PRPF8: variants seen among roughly 807,000 people sequenced by gnomAD.
PRPF8 encodes pre-mRNA processing factor 8, also known as pre-mRNA-processing-splicing factor 8.
In PRPF8, 64 loss-of-function variants were observed where a neutral mutation model predicts 285.9. The observed-to-expected ratio is 0.22, with a 90% CI of 0.18 to 0.28. The LOEUF (loss-of-function observed/expected upper bound fraction) is 0.28, where lower values mean the gene tolerates loss of function less well. Among genes scored for constraint, PRPF8 ranks in the 10% least tolerant of loss-of-function variants. The pLI is 1.00. For synonymous variants in PRPF8, 1,325 were observed against 1,118.2 expected (o/e 1.18, Z -3.69); for missense variants, 1,426 against 3,026.7 (o/e 0.47, Z 12.41).
At chr17:1,652,744 T>C (rs937154794) in intron 39 of PRPF8, 2 of 144,376 alleles carry the variant, frequency 1.4e-5, no homozygotes, top group Admixed American at 1.4e-4. Flanking sequence ...GAGACTCCAT[T>C]TCGTCATGTT....
chr17:1,677,456 G>A (rs1912664021), intron 14 of PRPF8, 109 bp downstream of exon 14: 1 of 1,523,454 alleles, frequency 6.6e-7, no homozygotes, highest in Non-Finnish European at 9.1e-7. Flanking sequence ...GGACCTAAAG[G>A]CAATCCAGTA....
chr17:1,674,473 T>C lies in PRPF8; in HGVS notation c.3268A>G (p.Arg1090Gly). ...AAAATATGGATGCGATCAATGTATC[T>C]GCAGAAGAGACGGATGGGGTGGGCA... Reference protein sequence around the residue: ...EAAHPIRLFCRYIDRIHIFFR... With the variant: ...EAAHPIRLFCGYIDRIHIFFR... The change falls in exon 21 of 43, where the codon AGA becomes GGA. Residue 1090 changes from arginine to glycine, a missense_variant. Arg to Gly is a moderately radical substitution (Grantham distance 125, BLOSUM62 -2). This residue lies in a region of PRPF8 where 148 missense variants were observed against 196.2 expected (regional missense o/e 0.75). Transcript: ENST00000304992. 6.2e-7 allele frequency: 1 copy of C among 1,614,164 alleles called. No homozygotes were observed. Among genetic ancestry groups the C allele is most frequent in the Non-Finnish European group, 8.5e-7 (1 of 1,180,020 alleles).
In PRPF8 at chr17:1,653,303, A is replaced by G; in HGVS notation, c.6369+239T>C. The G allele has an allele frequency of 8.0e-6, 5 of 626,238 alleles. No individual in the cohort carries two copies. Among genetic ancestry groups the G allele is most frequent in the Non-Finnish European group, 1.1e-5 (4 of 350,762 alleles). The allele number at this position is 626,238 out of a possible 1,614,324, so 38.8% of individuals were successfully genotyped here. On this transcript the variant is annotated intron_variant, in intron 39 of 42. Coordinates refer to ENST00000304992, the MANE Select transcript of PRPF8 (RefSeq NM_006445.4). The surrounding 1 kb of genome is among the most constrained non-coding windows in gnomAD (Gnocchi z 4.9). Reference sequence around the variant, plus strand: ...TGGTCAGGAATTTGTTTCTGACCATATCTGTTCTCTTCCAAATACTATCAG... The same window carrying G: ...TGGTCAGGAATTTGTTTCTGACCATGTCTGTTCTCTTCCAAATACTATCAG...
In PRPF8 at chr17:1,661,763, G is replaced by T. The variant is rs1178834986; in HGVS notation, c.4050C>A (p.Ile1350=). 1 of 1,614,080 alleles carries T rather than the reference G, an allele frequency of 6.2e-7. No individual in the cohort carries two copies. Among genetic ancestry groups the T allele is most frequent in the African/African-American group, 1.3e-5 (1 of 74,928 alleles). The change falls in exon 26 of 43, where the codon ATC becomes ATA. Residue 1350 remains isoleucine (I), a synonymous_variant. Coordinates refer to ENST00000304992, the MANE Select transcript of PRPF8 (RefSeq NM_006445.4). This position sits in a 1 kb window ranked among gnomAD's most constrained non-coding sequence, Gnocchi z 7.3. ...LRWSKQTDVG[I]THFRSGMSHE... ...GGCTCATTCCTGAACGAAAGTGTGT[G>T]ATACCTACATCTGTCTGTTTGGACC...
intron 37 of PRPF8, 55 bp downstream of exon 37, chr17:1,655,295 A>T (rs906299297): frequency 5.1e-5 from 82 of 1,600,542 alleles, no homozygotes; most frequent in Middle Eastern, 4.5e-4. Context: ...CTTCCAAAAA[A>T]CCCCAGAAAA....
At chr17:1,674,782 C>A (rs1442442984) in intron 20 of PRPF8, 102 bp from the exon 21 acceptor site, 11 of 1,266,970 alleles carry the variant, frequency 8.7e-6, no homozygotes, top group Non-Finnish European at 1.1e-5. Flanking sequence ...TACTTTTTTC[C>A]ACTCCCGAGG....
Position 1,660,615 on chromosome 17 carries a change from G to C in PRPF8, c.4639-37C>G, listed in dbSNP as rs200963125. ...ACGACAATGTGACATTAGAGATCAA[G>C]AGACTCGGGCGCTCACGACATAACC... On this transcript the variant is annotated intron_variant, in intron 29 of 42. Coordinates refer to ENST00000304992, the MANE Select transcript of PRPF8 (RefSeq NM_006445.4). 1.4e-5 allele frequency: 22 copies of C among 1,614,202 alleles called. No individual in the cohort carries two copies. In the African/African-American group the frequency reaches 2.8e-4, roughly 21 times the overall value.
At chr17:1,660,856 A>G in intron 28 of PRPF8, 29 bp from the exon 29 acceptor site, 1 of 1,613,304 alleles carries the variant, frequency 6.2e-7, no homozygotes, top group Non-Finnish European at 8.5e-7. Flanking sequence ...AGGTGAGGTG[A>G]TATCCTGCCA....
In PRPF8 at chr17:1,650,857, G is replaced by C. The variant is rs759985156; in HGVS notation, c.6953C>G (p.Ala2318Gly). Residue 2318 changes from alanine (A) to glycine (G), a missense_variant, in exon 43 of 43, where the codon GCT becomes GGT. Physicochemically the swap from Ala to Gly is moderately conservative, Grantham distance 60. Coordinates refer to ENST00000304992, the MANE Select transcript of PRPF8 (RefSeq NM_006445.4). ...GTAAACCTCCCCCTCCTGCAGGAGA[G>C]CAAAGTTGAGGAAGTGAGAGGGCCT... ...VHRPSHFLNF[A>G]LLQEGEVYSA... 1 of 1,614,210 alleles carries C rather than the reference G, an allele frequency of 6.2e-7. No homozygotes were observed. The highest frequency in any genetic ancestry group is 1.1e-5 in the South Asian group (1 of 91,084).
At position 1,662,162 on chromosome 17, in the gene PRPF8, AG is replaced by A. The variant is rs1184771935; in HGVS notation, c.3775-10del. On this transcript the variant is annotated splice_polypyrimidine_tract_variant and intron_variant, in intron 24 of 42. Transcript: ENST00000304992. ...TTCCACTTATTCACAATCTAAAGGT[AG>A]TAGAAAAAAAAGTAAATTACAGATG... is the stretch of plus-strand genomic sequence containing the variant. 2 of 1,614,190 alleles carry A rather than the reference AG, an allele frequency of 1.2e-6. No homozygotes were observed. The highest frequency in any genetic ancestry group is 1.7e-6 in the Non-Finnish European group (2 of 1,180,036).
chr17:1,653,480 T>G lies in PRPF8; in HGVS notation c.6369+62A>C. 2.5e-6 allele frequency: 4 copies of G among 1,603,920 alleles called. No homozygotes were observed. The highest frequency in any genetic ancestry group is 3.4e-6 in the Non-Finnish European group (4 of 1,170,788). On this transcript the variant is annotated intron_variant, in intron 39 of 42. Transcript: ENST00000304992. The surrounding 1 kb of genome is among the most constrained non-coding windows in gnomAD (Gnocchi z 4.9). ...CTCAAGTTCCAGACAATCTCAGGTC[T>G]GAGTTTTAGGCACAAAATGAGTTGG...
chr17:1,651,160 G>C lies in PRPF8; in HGVS notation c.6801C>G (p.Phe2267Leu). The C allele has an allele frequency of 6.2e-7, 1 of 1,614,198 alleles. No homozygotes were observed. The highest frequency in any genetic ancestry group is 8.5e-7 in the Non-Finnish European group (1 of 1,180,044). Reference sequence around the variant, plus strand: ...GGGCAGGGACCATGAAGAAGCCAAGGAAACGGTCCGACAGCAGCATCTGCA... The same window carrying C: ...GGGCAGGGACCATGAAGAAGCCAAGCAAACGGTCCGACAGCAGCATCTGCA... Reference protein sequence around the residue: ...ERVQMLLSDRFLGFFMVPAQS... With the variant: ...ERVQMLLSDRLLGFFMVPAQS... The change falls in exon 42 of 43, where the codon TTC becomes TTG. Residue 2267 changes from phenylalanine to leucine, a missense_variant. Phe to Leu is a conservative substitution (Grantham distance 22, BLOSUM62 0). This residue lies in a region of PRPF8 where 160 missense variants were observed against 373.7 expected (regional missense o/e 0.43). Coordinates refer to ENST00000304992, the MANE Select transcript of PRPF8 (RefSeq NM_006445.4). This position sits in a 1 kb window ranked among gnomAD's most constrained non-coding sequence, Gnocchi z 5.1.
At chr17:1,683,788 G>C in intron 2 of PRPF8, 87 bp from the exon 3 acceptor site, 2 of 1,519,566 alleles carry the variant, frequency 1.3e-6, no homozygotes, top group East Asian at 2.3e-5. Flanking sequence ...CTGTCAGTGA[G>C]TGTGAGGGAG....
In PRPF8 at chr17:1,653,695, C is replaced by G. The variant is rs1287394020; in HGVS notation, c.6228-12G>C. The G allele has an allele frequency of 6.2e-6, 10 of 1,614,032 alleles. No homozygotes were observed. The highest frequency in any genetic ancestry group is 8.5e-6 in the Non-Finnish European group (10 of 1,180,032). Reference sequence around the variant, plus strand: ...CAGCAGAGATGGCCCTAAAAACAGGCAGGGAGTGTCAGCATCGCTCAGCCC... The same window carrying G: ...CAGCAGAGATGGCCCTAAAAACAGGGAGGGAGTGTCAGCATCGCTCAGCCC... On this transcript the variant is annotated splice_polypyrimidine_tract_variant and intron_variant, in intron 38 of 42. Transcript: ENST00000304992. The surrounding 1 kb of genome is among the most constrained non-coding windows in gnomAD (Gnocchi z 4.9).
Position 1,676,703 on chromosome 17 carries a change from C to A in PRPF8, c.2190G>T (p.Gly730=). Residue 730 remains glycine, a synonymous_variant, in exon 16 of 43, where the codon GGG becomes GGT. Coordinates refer to ENST00000304992, the MANE Select transcript of PRPF8 (RefSeq NM_006445.4). The surrounding 1 kb of genome is among the most constrained non-coding windows in gnomAD (Gnocchi z 6.3). The part of the protein sequence containing the change: ...WKANIPWKVP[G]LPTPIENMIL... ...TCATATTCTCTATGGGCGTCGGCAG[C>A]CCAGGGACCTAAAAGTCCAAAAAGC... is the stretch of plus-strand genomic sequence containing the variant. 1 of 1,614,054 alleles carries A rather than the reference C, an allele frequency of 6.2e-7. No individual in the cohort carries two copies.
In PRPF8 at chr17:1,659,553, G is replaced by A. The variant is rs190909610; in HGVS notation, c.4947-5C>T. On this transcript the variant is annotated splice_region_variant and splice_polypyrimidine_tract_variant and intron_variant, in intron 31 of 42. Transcript: ENST00000304992. This position sits in a 1 kb window ranked among gnomAD's most constrained non-coding sequence, Gnocchi z 5.1. ...GTGGTGCTGTCCATCACATCCCTGAGGATGAAGAGGGTTCAAGCTTCTAAG... is the reference window on the plus strand; with the variant it reads ...GTGGTGCTGTCCATCACATCCCTGAAGATGAAGAGGGTTCAAGCTTCTAAG... 3.7e-5 allele frequency: 60 copies of A among 1,613,198 alleles called. No individual in the cohort carries two copies. In the East Asian group the frequency reaches 1.3e-3, roughly 35 times the overall value.
In PRPF8 at chr17:1,679,218, A is replaced by G; in HGVS notation, c.1410-12T>C. ...AGCGGAACAAATACCTGAGGTGGGA[A>G]CATGGAGAGTAAGAGTCAGCCTACT... On this transcript the variant is annotated splice_polypyrimidine_tract_variant and intron_variant, in intron 10 of 42. Coordinates refer to ENST00000304992, the MANE Select transcript of PRPF8 (RefSeq NM_006445.4). This position sits in a 1 kb window ranked among gnomAD's most constrained non-coding sequence, Gnocchi z 4.7. The G allele has an allele frequency of 1.9e-6, 3 of 1,614,220 alleles. No homozygotes were observed. Among genetic ancestry groups the G allele is most frequent in the Non-Finnish European group, 2.5e-6 (3 of 1,180,034 alleles).
chr17:1,677,298 G>T (rs557769440), intron 14 of PRPF8, 126 bp from the exon 15 acceptor site: 5 of 1,081,842 alleles, frequency 4.6e-6, no homozygotes, highest in Non-Finnish European at 7.0e-6. Context: ...GCGTCCCTGT[G>T]CCCAGCATAT....
intron 24 of PRPF8, among the ~76,000 whole-genome samples, chr17:1,671,281 G>A (rs1290332496): frequency 2.0e-5 from 3 of 152,126 alleles, no homozygotes; most frequent in African/African-American, 7.2e-5. Flanking sequence ...CCCACATACA[G>A]GTTAATCTAA....
Sources: gnomAD v4.1 joint callset for allele counts (sites outside exome capture counted in the v4.1 genomes callset) on GRCh38, gnomAD v4.1.1 for gene constraint, gnomAD v4.1.1 regional missense constraint, Gnocchi (gnomAD v3.1) non-coding constraint, MANE v1.5 for transcripts, NCBI Gene and HGNC (gene_info 2026-07-23, HGNC 2026-07-21) for gene names.